Variants in RIC8B observed in about 807,000 individuals in gnomAD.
RIC8B encodes chaperone Ric-8B.
A neutral mutation model predicts 57.5 loss-of-function variants in RIC8B; 16 were observed. That is an observed-to-expected ratio of 0.28 (90% CI 0.19 to 0.42). The LOEUF is 0.42. RIC8B is among the 10% of genes least tolerant of loss of function. RIC8B has a pLI of 1.00. For synonymous variants in RIC8B, 216 were observed against 250.8 expected, an observed-to-expected ratio of 0.86 and a Z score of 1.31; for missense variants, 481 against 677.0, an observed-to-expected ratio of 0.71 and a Z score of 3.21.
At chr12:106,777,682 C>T (rs1458521314) in intron 1 of RIC8B, among the ~76,000 whole-genome samples, 1 of 152,154 alleles carries the variant, frequency 6.6e-6, no homozygotes, top group Admixed American at 6.5e-5. Flanking sequence ...CCAACTCTGC[C>T]ATTTATTAGC....
chr12:106,821,359 A>G (rs563682416), intron 3 of RIC8B, among the ~76,000 whole-genome samples: 7 of 152,370 alleles, frequency 4.6e-5, no homozygotes, highest in African/African-American at 1.7e-4. Context: ...CTTACAGGTA[A>G]CATTGAAGTG....
intron 9 of RIC8B, among the ~76,000 whole-genome samples, chr12:106,883,015 T>G (rs894112049): frequency 6.6e-6 from 1 of 152,196 alleles, no homozygotes; most frequent in Non-Finnish European, 1.5e-5. Context: ...TTTGAAAATA[T>G]TACTTCTGGG....
chr12:106,777,210 G>A (rs567298971), intron 1 of RIC8B, among the ~76,000 whole-genome samples: 2 of 152,280 alleles, frequency 1.3e-5, no homozygotes, highest in South Asian at 4.1e-4. Flanking sequence ...CAGTATAGTA[G>A]GGCTGATTAT....
chr12:106,789,421 C>T (rs1413546526), intron 2 of RIC8B, among the ~76,000 whole-genome samples: 2 of 152,120 alleles, frequency 1.3e-5, no homozygotes, highest in African/African-American at 4.8e-5. Flanking sequence ...CTGGTACCAA[C>T]TTAACATACT....
intron 9 of RIC8B, among the ~76,000 whole-genome samples, chr12:106,882,024 C>G (rs751825942): frequency 5.9e-5 from 9 of 152,166 alleles, no homozygotes; most frequent in Non-Finnish European, 7.3e-5. Context: ...ATCTGCTGTT[C>G]TGTAACTCTT....
intron 9 of RIC8B, chr12:106,871,478 AAAAAAAAAAAAAAAAAAAAACC>A (rs1364644379): frequency 7.3e-6 from 1 of 137,376 alleles, no homozygotes; most frequent in Non-Finnish European, 1.6e-5. Context: ...TTCTAAAAAA[AAAAAAAAAAAAAAAAAAAAACC>A]AAAAAACTCC....
At chr12:106,827,149 T>C (rs10861671) in intron 4 of RIC8B, among the ~76,000 whole-genome samples, 53,698 of 152,094 alleles carry the variant, frequency 0.35, 9,539 homozygotes, top group South Asian at 0.38. Context: ...TAAAAATTTA[T>C]TGTACTCTGA....
chr12:106,839,636 A>G (rs539108479), intron 4 of RIC8B, among the ~76,000 whole-genome samples: 2 of 152,340 alleles, frequency 1.3e-5, no homozygotes, highest in Admixed American at 6.5e-5. Context: ...ATAGTTAGCA[A>G]TACTGTATTG....
chr12:106,812,329 C>G (rs1254768145), intron 2 of RIC8B, among the ~76,000 whole-genome samples: 4 of 152,160 alleles, frequency 2.6e-5, no homozygotes, highest in African/African-American at 9.7e-5. Flanking sequence ...CAGAGTTTCT[C>G]AGTCCATTTG....
At chr12:106,852,082 C>G (rs1949500949) in intron 7 of RIC8B, among the ~76,000 whole-genome samples, 1 of 152,080 alleles carries the variant, frequency 6.6e-6, no homozygotes. Flanking sequence ...GCATAATACC[C>G]TTGAGACAAA....
chr12:106,842,909 T>A, intron 5 of RIC8B, 92 bp downstream of exon 5: 1 of 755,198 alleles, frequency 1.3e-6, no homozygotes, highest in Non-Finnish European at 2.1e-6. Flanking sequence ...GCATGATTTT[T>A]AAATCTAAGC....
Position 106,838,836 on chromosome 12 carries a change from A to C in RIC8B, c.837-3753A>C, listed in dbSNP as rs913298666. ...AAAAACTCTTAATAGCCAAAAAAAA[A>C]ACCTGATTTTAAAATGGGCAAAGAA... is the stretch of plus-strand genomic sequence containing the variant. On this transcript the variant is annotated intron_variant, in intron 4 of 9. Transcript: ENST00000392837. 4.6e-5 allele frequency among the ~76,000 whole-genome samples: 7 copies of C among 152,222 alleles called. No individual in the cohort carries two copies. In the South Asian group the frequency reaches 8.3e-4, roughly 18 times the overall value.
chr12:106,863,964 A>G (rs1366377645), intron 8 of RIC8B, among the ~76,000 whole-genome samples: 1 of 152,124 alleles, frequency 6.6e-6, no homozygotes, highest in African/African-American at 2.4e-5. Flanking sequence ...GTATGTATAT[A>G]TATTCAGTAT....
chr12:106,829,272 C>A (rs1031400475), intron 4 of RIC8B, among the ~76,000 whole-genome samples: 1 of 152,160 alleles, frequency 6.6e-6, no homozygotes, highest in African/African-American at 2.4e-5. Context: ...GCACTCCAGT[C>A]CATAATCAAC....
At chr12:106,781,944 T>G (rs2043781021) in intron 1 of RIC8B, among the ~76,000 whole-genome samples, 1 of 152,162 alleles carries the variant, frequency 6.6e-6, no homozygotes, top group Non-Finnish European at 1.5e-5. Flanking sequence ...AATGTTAATT[T>G]TCACTAAACC....
At chr12:106,802,353 G>A (rs1004037900) in intron 2 of RIC8B, among the ~76,000 whole-genome samples, 2 of 152,176 alleles carry the variant, frequency 1.3e-5, no homozygotes, top group East Asian at 1.9e-4. Context: ...GGTCTATCCC[G>A]TCACTATAGG....
chr12:106,859,052 A>G (rs1367169860), intron 7 of RIC8B, among the ~76,000 whole-genome samples: 1 of 152,028 alleles, frequency 6.6e-6, no homozygotes, highest in Non-Finnish European at 1.5e-5. Context: ...TTTTGAGGTA[A>G]GTGATCTGAA....
intron 7 of RIC8B, among the ~76,000 whole-genome samples, chr12:106,856,312 T>C (rs1460428035): frequency 2.0e-5 from 3 of 152,212 alleles, no homozygotes; most frequent in Non-Finnish European, 2.9e-5. Context: ...TATAAAACTT[T>C]CAGTGATTCT....
intron 2 of RIC8B, among the ~76,000 whole-genome samples, chr12:106,803,190 T>A (rs2044822942): frequency 8.2e-6 from 1 of 121,388 alleles, no homozygotes; most frequent in Non-Finnish European, 1.6e-5. Context: ...CCAGCCTGGG[T>A]GACAAGAGTG....
Sources: allele counts gnomAD v4.1 joint callset (sites outside exome capture counted in the v4.1 genomes callset), GRCh38; gene constraint gnomAD v4.1.1; transcripts MANE v1.5; gene names NCBI Gene and HGNC (gene_info 2026-07-23, HGNC 2026-07-21).